Variants in COL6A5 observed in about 807,000 individuals in gnomAD.
The protein encoded by COL6A5 is collagen alpha-5(VI) chain.
COL6A5 carries 48 observed loss-of-function variants against 65.6 expected under a neutral mutation model. The ratio of observed to expected loss-of-function variants is 0.73; its 90% CI spans 0.58 to 0.93. The LOEUF is 0.93. Ranked by LOEUF, COL6A5 falls within the 40% of genes least tolerant of loss-of-function variation. The pLI is 0.00. For missense variants in COL6A5, 914 were observed against 928.3 expected (o/e 0.98, Z 0.20); for synonymous variants, 291 against 322.8 (o/e 0.90, Z 1.05).
intron 7 of COL6A5, among the ~76,000 whole-genome samples, chr3:130,478,522 A>C (rs1710154238): frequency 1.3e-5 from 2 of 152,170 alleles, no homozygotes; most frequent in African/African-American, 2.4e-5. Context: ...CTACCTGAGA[A>C]TGTATTTGTG....
At chr3:130,471,129 G>A (rs562633063) in intron 7 of COL6A5, among the ~76,000 whole-genome samples, 162 bp downstream of exon 39, 4 of 151,686 alleles carry the variant, frequency 2.6e-5, no homozygotes, top group Non-Finnish European at 1.5e-5. Context: ...TGTGATGATA[G>A]CATAGGTCTG....
intron 7 of COL6A5, among the ~76,000 whole-genome samples, chr3:130,480,189 G>T (rs957418347): frequency 2.6e-5 from 4 of 151,780 alleles, no homozygotes; most frequent in African/African-American, 7.3e-5. Flanking sequence ...AAATAACAGG[G>T]AAAAACTATC....
chr3:130,348,830 T>C (rs1934597478), intron 1 of COL6A5, among the ~76,000 whole-genome samples: 1 of 152,234 alleles, frequency 6.6e-6, no homozygotes, highest in South Asian at 2.1e-4. Context: ...TGGCGTGAGA[T>C]GGTATCTCAT....
chr3:130,408,068 T>C (rs1252118097), intron 17 of COL6A5, among the ~76,000 whole-genome samples: 1 of 152,142 alleles, frequency 6.6e-6, no homozygotes, highest in African/African-American at 2.4e-5. Context: ...GTTTGAACAA[T>C]ATGAAATCTG....
chr3:130,439,539 A>G (rs772348394), exon 2 of COL6A5: 3 of 1,550,858 alleles, frequency 1.9e-6, no homozygotes, highest in Non-Finnish European at 2.6e-6. Context: ...ACACTGGAAC[A>G]TTTCAGGTGA....
At chr3:130,437,555 TCA>T (rs772626150) in intron 1 of COL6A5, among the ~76,000 whole-genome samples, 2 of 152,148 alleles carry the variant, frequency 1.3e-5, no homozygotes, top group Non-Finnish European at 2.9e-5. Context: ...ATCATTTCTC[TCA>T]GAGTTAAAGC....
chr3:130,449,728 G>T (rs116292850), intron 4 of COL6A5, among the ~76,000 whole-genome samples: 14 of 152,202 alleles, frequency 9.2e-5, no homozygotes, highest in Admixed American at 2.6e-4. Context: ...CCATCCCAGG[G>T]CCACGTGCCT....
chr3:130,368,521 G>A (rs187615104), intron 1 of COL6A5, among the ~76,000 whole-genome samples: 4 of 151,128 alleles, frequency 2.6e-5, no homozygotes, highest in Non-Finnish European at 4.4e-5. Context: ...AGTGGTCGGT[G>A]TGTATGTGTG....
intron 4 of COL6A5, among the ~76,000 whole-genome samples, chr3:130,446,775 C>T (rs1049731505): frequency 7.8e-5 from 8 of 103,178 alleles, no homozygotes; most frequent in East Asian, 4.8e-4. Flanking sequence ...ATCTTCCCCA[C>T]GTTATAATTG....
rs547550965 is a variant in COL6A5, at chr3:130,446,076, G to A, written c.1332+2510G>A. On this transcript the variant is annotated intron_variant, in intron 4 of 7. Transcript: ENST00000512836. The stretch of plus-strand genomic sequence containing the variant: ...CATTTTATCTGTAGCTGATCTTTCC[G>A]GAAGATAAACAGCCTGGACTTGAGT... 3.9e-5 allele frequency among the ~76,000 whole-genome samples: 6 copies of A among 152,188 alleles called. No homozygotes were observed. The East Asian group carries it at 5.8e-4, about 15-fold the overall frequency.
chr3:130,480,978 G>A (rs1039798168), intron 7 of COL6A5, among the ~76,000 whole-genome samples: 3 of 152,096 alleles, frequency 2.0e-5, no homozygotes, highest in African/African-American at 7.2e-5. Flanking sequence ...TCAAGGAAAC[G>A]CAGGCGCCTA....
exon 23 of COL6A5, chr3:130,415,699 G>C: frequency 1.3e-6 from 2 of 1,547,980 alleles, no homozygotes; most frequent in African/African-American, 1.4e-5. Flanking sequence ...GGGGCAGAAA[G>C]GACCTCAGGT....
chr3:130,451,490 C>T (rs532350481), intron 4 of COL6A5, among the ~76,000 whole-genome samples: 7 of 152,012 alleles, frequency 4.6e-5, no homozygotes, highest in South Asian at 2.1e-4. Context: ...GGAACCGAAA[C>T]GACAGAAGGG....
chr3:130,438,000 G>T (rs1441180577), intron 1 of COL6A5, among the ~76,000 whole-genome samples: 1 of 151,608 alleles, frequency 6.6e-6, no homozygotes, highest in East Asian at 1.9e-4. Context: ...TTGCTTTTTT[G>T]TTTTGTTTTG....
At chr3:130,395,800 G>A (rs1936581334) in intron 8 of COL6A5, among the ~76,000 whole-genome samples, 1 of 152,166 alleles carries the variant, frequency 6.6e-6, no homozygotes, top group Non-Finnish European at 1.5e-5. Context: ...TAAATGCCCT[G>A]CATCCAGTAG....
At chr3:130,442,590 TCCTC>T (rs1361939361) in intron 3 of COL6A5, among the ~76,000 whole-genome samples, 1 of 152,158 alleles carries the variant, frequency 6.6e-6, no homozygotes, top group Non-Finnish European at 1.5e-5. Context: ...GTGAAAAGGC[TCCTC>T]TGCTGGTATT....
chr3:130,424,895 G>T (rs13326724), intron 29 of COL6A5, among the ~76,000 whole-genome samples: 1 of 151,844 alleles, frequency 6.6e-6, no homozygotes, highest in Non-Finnish European at 1.5e-5. Flanking sequence ...CTTGTGCTTG[G>T]CCAAGCTAGT....
At chr3:130,419,163 A>G (rs1937452955) in intron 25 of COL6A5, among the ~76,000 whole-genome samples, 1 of 152,120 alleles carries the variant, frequency 6.6e-6, no homozygotes, top group Non-Finnish European at 1.5e-5. Flanking sequence ...AGGATAATGG[A>G]TGAGTTAGAA....
At chr3:130,418,690 G>A (rs1444549453) in intron 24 of COL6A5, among the ~76,000 whole-genome samples, 179 bp from the exon 25 acceptor site, 1 of 152,022 alleles carries the variant, frequency 6.6e-6, no homozygotes, top group Non-Finnish European at 1.5e-5. Context: ...TCTGGGCTGT[G>A]CTAGACATCT....
Sources: allele counts gnomAD v4.1 joint callset (sites outside exome capture counted in the v4.1 genomes callset), GRCh38; gene constraint gnomAD v4.1.1; transcripts MANE v1.5; gene names NCBI Gene and HGNC (gene_info 2026-07-23, HGNC 2026-07-21).